Variants in LRRC4C observed in about 807,000 individuals in gnomAD.
LRRC4C encodes the protein leucine-rich repeat-containing protein 4C.
In LRRC4C, 5 loss-of-function variants were observed where a neutral mutation model predicts 33.6. The observed-to-expected ratio is 0.15, with a 90% CI of 0.08 to 0.31. The LOEUF (loss-of-function observed/expected upper bound fraction) is 0.31. LRRC4C is among the 10% of genes least tolerant of loss of function. LRRC4C has a pLI of 1.00. For synonymous variants in LRRC4C, 329 were observed against 302.0 expected (o/e 1.09, Z -0.93); for missense variants, 560 against 796.7 (o/e 0.70, Z 3.58).
rs11036376 is a variant in LRRC4C at position 41,380,406 on chromosome 11, T to C, written c.-496+79025A>G. Among the ~76,000 whole-genome samples, 183 of 152,262 alleles carry C rather than the reference T, an allele frequency of 1.2e-3. 4 individuals are homozygous for C. In the East Asian group the frequency reaches 0.031, roughly 26 times the overall value. ...TTGTATTCTTGTGTACACAGGAAAC[T>C]TGAAATGTAGATAGAAACTTTTTTT... On this transcript the variant is annotated intron_variant, in intron 1 of 6. Transcript: ENST00000528697.
chr11:41,139,795 C>T (rs1340226426), intron 1 of LRRC4C, among the ~76,000 whole-genome samples: 5 of 152,172 alleles, frequency 3.3e-5, no homozygotes, highest in Non-Finnish European at 7.3e-5. Context: ...CAAATCTGCT[C>T]TTCTTGGAGC....
chr11:40,161,115 A>G (rs924779199), intron 5 of LRRC4C, among the ~76,000 whole-genome samples: 2 of 152,166 alleles, frequency 1.3e-5, no homozygotes, highest in Non-Finnish European at 2.9e-5. Flanking sequence ...TGGTTTATGA[A>G]TAAGTTTTAG....
chr11:40,363,900 T>A (rs1414361366), intron 3 of LRRC4C, among the ~76,000 whole-genome samples: 2 of 152,202 alleles, frequency 1.3e-5, no homozygotes, highest in Non-Finnish European at 2.9e-5. Flanking sequence ...CATGCGCCTA[T>A]GACTTGCCAT....
intron 3 of LRRC4C, among the ~76,000 whole-genome samples, chr11:40,468,368 T>C (rs1431627402): frequency 1.3e-5 from 2 of 152,200 alleles, no homozygotes; most frequent in East Asian, 1.9e-4. Flanking sequence ...CCTCTTCTGT[T>C]AGGCAGATCT....
chr11:40,887,972 T>A (rs1955538284), intron 2 of LRRC4C, among the ~76,000 whole-genome samples: 1 of 151,936 alleles, frequency 6.6e-6, no homozygotes, highest in African/African-American at 2.4e-5. Context: ...AAAAGTTTGG[T>A]TATTATTTTA....
chr11:41,224,182 G>A (rs1045512191), intron 1 of LRRC4C, among the ~76,000 whole-genome samples: 7 of 152,248 alleles, frequency 4.6e-5, no homozygotes, highest in South Asian at 4.1e-4. Context: ...ATTACCTGCC[G>A]TGGAAAAAGC....
intron 1 of LRRC4C, among the ~76,000 whole-genome samples, chr11:41,309,188 G>A (rs1950582637): frequency 6.6e-6 from 1 of 152,186 alleles, no homozygotes; most frequent in Non-Finnish European, 1.5e-5. Context: ...GAGTAGCAGT[G>A]GAAGATAAAC....
chr11:40,647,172 TGAGA>T (rs1942517889), intron 3 of LRRC4C, among the ~76,000 whole-genome samples: 1 of 152,212 alleles, frequency 6.6e-6, no homozygotes. Context: ...TAAATGCAAC[TGAGA>T]GAGAGCTAAA....
chr11:41,271,532 C>T (rs1431278664), intron 1 of LRRC4C, among the ~76,000 whole-genome samples: 1 of 143,850 alleles, frequency 7.0e-6, no homozygotes, highest in South Asian at 2.2e-4. Context: ...TCAGATGTCA[C>T]TTCCACTAAG....
intron 1 of LRRC4C, among the ~76,000 whole-genome samples, chr11:41,073,098 T>C (rs529627544): frequency 1.3e-5 from 2 of 152,320 alleles, no homozygotes; most frequent in East Asian, 3.9e-4. Context: ...GAAATACCTT[T>C]AACTTGCAGT....
At chr11:40,625,047 C>T (rs11035968) in intron 3 of LRRC4C, among the ~76,000 whole-genome samples, 2 of 151,878 alleles carry the variant, frequency 1.3e-5, no homozygotes, top group Non-Finnish European at 1.5e-5. Context: ...ATATAATATT[C>T]AGAATAATAC....
chr11:41,204,499 G>A (rs566999267), intron 1 of LRRC4C, among the ~76,000 whole-genome samples: 1 of 151,980 alleles, frequency 6.6e-6, no homozygotes, highest in South Asian at 2.1e-4. Flanking sequence ...ACATGACTTA[G>A]ATAGAGACAC....
intron 3 of LRRC4C, among the ~76,000 whole-genome samples, chr11:40,586,550 A>C (rs1233849784): frequency 1.3e-5 from 2 of 148,780 alleles, no homozygotes; most frequent in Admixed American, 1.4e-4. Context: ...GTCCTTGCCC[A>C]TGCCTATGTC....
intron 1 of LRRC4C, among the ~76,000 whole-genome samples, chr11:41,100,035 T>A (rs1941071148): frequency 6.6e-6 from 1 of 152,098 alleles, no homozygotes; most frequent in South Asian, 2.1e-4. Flanking sequence ...ATCACTAGTA[T>A]TCCTATGCAA....
intron 3 of LRRC4C, among the ~76,000 whole-genome samples, chr11:40,435,210 A>C (rs1028652432): frequency 6.6e-6 from 1 of 152,196 alleles, no homozygotes; most frequent in African/African-American, 2.4e-5. Context: ...CAGGCAGCCA[A>C]CCAGCAGCAT....
At chr11:40,244,299 T>C (rs1355656856) in intron 4 of LRRC4C, among the ~76,000 whole-genome samples, 2 of 151,838 alleles carry the variant, frequency 1.3e-5, no homozygotes, top group African/African-American at 4.8e-5. Flanking sequence ...CAGCCCCCCA[T>C]CTGAGCTCTC....
At chr11:41,071,319 T>A (rs1351880501) in intron 1 of LRRC4C, among the ~76,000 whole-genome samples, 1 of 151,848 alleles carries the variant, frequency 6.6e-6, no homozygotes, top group East Asian at 1.9e-4. Context: ...AAAATCTAGA[T>A]GACAGGTTGA....
At chr11:40,288,357 C>T (rs1202670235) in intron 4 of LRRC4C, among the ~76,000 whole-genome samples, 1 of 152,136 alleles carries the variant, frequency 6.6e-6, no homozygotes, top group Non-Finnish European at 1.5e-5. Flanking sequence ...AATGCTTTTG[C>T]AATATTCACA....
chr11:40,695,953 G>C (rs1424681240), intron 2 of LRRC4C, among the ~76,000 whole-genome samples: 1 of 151,514 alleles, frequency 6.6e-6, no homozygotes, highest in Non-Finnish European at 1.5e-5. Context: ...GACATCTCTA[G>C]GGGTGAGATA....
Sources: allele counts gnomAD v4.1 joint callset (sites outside exome capture counted in the v4.1 genomes callset), GRCh38; gene constraint gnomAD v4.1.1; transcripts MANE v1.5; gene names NCBI Gene and HGNC (gene_info 2026-07-23, HGNC 2026-07-21).